DOCK2: variants seen among roughly 807,000 people sequenced by gnomAD.
DOCK2 encodes the protein dedicator of cytokinesis protein 2.
DOCK2 carries 87 observed loss-of-function variants against 248.9 expected under a neutral mutation model. That is an observed-to-expected ratio of 0.35 (90% confidence interval 0.29 to 0.42). The LOEUF is 0.42. DOCK2 is among the 10% of genes least tolerant of loss of function. The pLI, the probability that DOCK2 is intolerant of heterozygous loss-of-function variation, is 1.00. For synonymous variants in DOCK2, 805 were observed against 821.6 expected (o/e 0.98, Z 0.35); for missense variants, 1,747 against 2,300.2 (o/e 0.76, Z 4.92).
intron 32 of DOCK2, among the ~76,000 whole-genome samples, chr5:170,011,341 T>A (rs915498495): frequency 1.3e-5 from 2 of 152,202 alleles, no homozygotes; most frequent in African/African-American, 4.8e-5. Flanking sequence ...TACAAGATCA[T>A]GTAGTGGGTT....
At chr5:169,889,572 C>T (rs1235411419) in intron 27 of DOCK2, among the ~76,000 whole-genome samples, 1 of 152,226 alleles carries the variant, frequency 6.6e-6, no homozygotes, top group Non-Finnish European at 1.5e-5. Context: ...CCTTACATAA[C>T]AGGGTGCTTT....
chr5:169,875,988 T>A (rs1561786787), intron 27 of DOCK2: 1 of 152,248 alleles, frequency 6.6e-6, no homozygotes, highest in Non-Finnish European at 1.5e-5. Context: ...CCTCCAGAGC[T>A]GTAAATCAGA....
intron 27 of DOCK2, among the ~76,000 whole-genome samples, chr5:169,975,435 C>T (rs780345219): frequency 1.3e-5 from 2 of 152,158 alleles, no homozygotes; most frequent in South Asian, 2.1e-4. Context: ...TCCAAGGGCC[C>T]GTGGGATCAG....
chr5:169,945,061 G>T (rs1302323650), intron 27 of DOCK2, among the ~76,000 whole-genome samples: 1 of 152,210 alleles, frequency 6.6e-6, no homozygotes, highest in African/African-American at 2.4e-5. Context: ...CAGGACAAAA[G>T]AGCATTCACA....
chr5:169,841,475 G>A lies in DOCK2; in HGVS notation c.2799+623G>A, dbSNP rs553765744. 1.9e-4 allele frequency: 189 copies of A among 984,728 alleles called. 1 individual carries two copies. In the South Asian group the frequency reaches 7.7e-3, roughly 40 times the overall value. The allele number at this position is 984,728 out of a possible 1,614,324, so 61.0% of individuals were successfully genotyped here. The stretch of plus-strand genomic sequence containing the variant: ...ACCCAAAATTCAAATGCTTTCAGGG[G>A]CCAGTCACCAACATAAATGAGTATG... On this transcript the variant is annotated intron_variant, in intron 27 of 51. Transcript: ENST00000520908.
chr5:169,985,059 T>G (rs1380969092), intron 28 of DOCK2, among the ~76,000 whole-genome samples: 6 of 152,144 alleles, frequency 3.9e-5, no homozygotes, highest in East Asian at 1.9e-4. Context: ...GGGATTACAG[T>G]GTCTGCCACC....
chr5:169,793,580 C>T (rs1049403206), intron 25 of DOCK2, among the ~76,000 whole-genome samples: 4 of 152,102 alleles, frequency 2.6e-5, no homozygotes, highest in African/African-American at 9.7e-5. Context: ...GTACAAGACC[C>T]CTTCTTTACC....
At chr5:169,817,157 C>T (rs1166191951) in intron 26 of DOCK2, among the ~76,000 whole-genome samples, 3 of 152,170 alleles carry the variant, frequency 2.0e-5, no homozygotes, top group Non-Finnish European at 4.4e-5. Flanking sequence ...AGAAATCACC[C>T]CAGGTTCTTT....
At chr5:170,053,591 A>T (rs907244201) in intron 41 of DOCK2, among the ~76,000 whole-genome samples, 1 of 152,200 alleles carries the variant, frequency 6.6e-6, no homozygotes, top group Non-Finnish European at 1.5e-5. Context: ...CCCTAGACTT[A>T]ATCCAGAGTG....
intron 26 of DOCK2, among the ~76,000 whole-genome samples, chr5:169,826,244 A>G (rs745924686): frequency 3.9e-5 from 6 of 152,180 alleles, no homozygotes; most frequent in Admixed American, 6.5e-5. Context: ...GGTACTCAAA[A>G]AGAACAAGCA....
chr5:169,849,639 C>G (rs1239980327), intron 27 of DOCK2, among the ~76,000 whole-genome samples: 1 of 152,212 alleles, frequency 6.6e-6, no homozygotes, highest in African/African-American at 2.4e-5. Flanking sequence ...ACCACAAAAA[C>G]TCTAAACTTA....
rs1395315618 is a variant in DOCK2 at position 169,708,160 on chromosome 5, T to C, written c.1384-9T>C. 4 of 1,613,256 alleles carry C rather than the reference T, an allele frequency of 2.5e-6. No homozygotes were observed. The Admixed American group carries it at 5.0e-5, about 20-fold the overall frequency. ...AGTCTTTTCCCTCACTTTGTTTTTC[T>C]TGGGTCAGAATGCAATTTGCGTGGG... is the stretch of plus-strand genomic sequence containing the variant. On this transcript the variant is annotated splice_polypyrimidine_tract_variant and intron_variant, in intron 14 of 51. Transcript: ENST00000520908.
chr5:169,796,003 C>A (rs1360710982), intron 25 of DOCK2, among the ~76,000 whole-genome samples: 1 of 152,134 alleles, frequency 6.6e-6, no homozygotes, highest in Non-Finnish European at 1.5e-5. Context: ...AAAAATGGAA[C>A]AGGATTGAAG....
intron 27 of DOCK2, among the ~76,000 whole-genome samples, chr5:169,946,889 T>C (rs541526904): frequency 6.6e-6 from 1 of 152,196 alleles, no homozygotes; most frequent in East Asian, 1.9e-4. Flanking sequence ...TATGCAAAGA[T>C]CTGGGGAGAC....
At chr5:170,026,157 C>T (rs767729308) in intron 33 of DOCK2, among the ~76,000 whole-genome samples, 11 of 152,260 alleles carry the variant, frequency 7.2e-5, no homozygotes, top group South Asian at 2.1e-4. Context: ...GATGGCATCA[C>T]GGATGATGTG....
At chr5:169,807,296 G>C (rs2113158339) in intron 26 of DOCK2, among the ~76,000 whole-genome samples, 1 of 152,302 alleles carries the variant, frequency 6.6e-6, no homozygotes, top group South Asian at 2.1e-4. Flanking sequence ...TGGAGGAGCT[G>C]TTAAAACACG....
In DOCK2 at chr5:170,049,638, G is replaced by A. The variant is rs145156622; in HGVS notation, c.4072-618G>A. The stretch of plus-strand genomic sequence containing the variant: ...TCATTGTGGGGCTGTGCTATGCATC[G>A]TAGGATGCTAGCAGCATCCCTAACC... On this transcript the variant is annotated intron_variant, in intron 40 of 51. Transcript: ENST00000520908. Among the ~76,000 whole-genome samples, 1,162 of 152,280 alleles carry A rather than the reference G, an allele frequency of 7.6e-3. 8 individuals are homozygous for A. Among genetic ancestry groups the A allele is most frequent in the Non-Finnish European group, 0.012 (793 of 68,010 alleles).
chr5:170,036,626 C>G, intron 36 of DOCK2, 71 bp downstream of exon 36: 1 of 1,450,292 alleles, frequency 6.9e-7, no homozygotes, highest in South Asian at 1.2e-5. Context: ...CGATGGCTCC[C>G]TGCTGCCTTC....
At chr5:169,732,667 T>C (rs1283836596) in intron 22 of DOCK2, among the ~76,000 whole-genome samples, 1 of 152,124 alleles carries the variant, frequency 6.6e-6, no homozygotes, top group African/African-American at 2.4e-5. Context: ...CTCAAACCTT[T>C]CTCCCTGAAA....
Sources: allele counts gnomAD v4.1 joint callset (sites outside exome capture counted in the v4.1 genomes callset), GRCh38; gene constraint gnomAD v4.1.1; transcripts MANE v1.5; gene names NCBI Gene and HGNC (gene_info 2026-07-23, HGNC 2026-07-21).